Variants in OSBPL9 observed in about 807,000 individuals in gnomAD.
The protein encoded by OSBPL9 is oxysterol binding protein like 9, also known as oxysterol-binding protein-related protein 9.
Under a neutral mutation model 106.6 loss-of-function variants are expected in OSBPL9, and 40 were observed. The observed-to-expected ratio is 0.38, with a 90% CI of 0.29 to 0.49. The LOEUF (loss-of-function observed/expected upper bound fraction) is 0.49. Ranked by LOEUF, OSBPL9 falls within the 20% of genes least tolerant of loss-of-function variation. OSBPL9 has a pLI of 0.97. For synonymous variants in OSBPL9, 269 were observed against 295.4 expected, an observed-to-expected ratio of 0.91 and a Z score of 0.92; for missense variants, 609 against 887.2, an observed-to-expected ratio of 0.69 and a Z score of 3.98.
In OSBPL9 at chr1:51,754,849, CTG is replaced by C. The variant is rs1491275107; in HGVS notation, c.544-1470_544-1469del. 5.3e-5 allele frequency among the ~76,000 whole-genome samples: 8 copies of C among 152,252 alleles called. No individual in the cohort carries two copies. In the East Asian group the frequency reaches 1.2e-3, roughly 22 times the overall value. ...ATAGTGTCTTGCTCTGTCACTCAGA[CTG>C]GAGTGCAGTGTCACAATCATAAATA... On this transcript the variant is annotated intron_variant, in intron 8 of 23. Coordinates refer to ENST00000428468, the MANE Select transcript of OSBPL9 (RefSeq NM_024586.6).
upstream of OSBPL9, among the ~76,000 whole-genome samples, chr1:51,613,428 A>C (rs79061356): frequency 0.012 from 1,868 of 152,312 alleles, 40 homozygotes; most frequent in African/African-American, 0.044. Context: ...TTAATTCACT[A>C]ATTAATACTC....
Position 51,787,489 on chromosome 1 carries a change from G to A in OSBPL9, c.2136+1G>A. On this transcript the variant is annotated splice_donor_variant, in intron 23 of 23. Coordinates refer to ENST00000428468, the MANE Select transcript of OSBPL9 (RefSeq NM_024586.6). LOFTEE classifies it high-confidence loss of function. ...GAAGGAAATTCAGTGGGAGACAAGGGTAAGCTTGCCTGCCCCACCCTCCTA... is the reference window on the plus strand; with the variant it reads ...GAAGGAAATTCAGTGGGAGACAAGGATAAGCTTGCCTGCCCCACCCTCCTA... The A allele has an allele frequency of 6.2e-7, 1 of 1,613,878 alleles. No individual in the cohort carries two copies.
chr1:51,638,525 C>T (rs1645591653), intron 1 of OSBPL9, among the ~76,000 whole-genome samples: 1 of 151,422 alleles, frequency 6.6e-6, no homozygotes, highest in Non-Finnish European at 1.5e-5. Flanking sequence ...GAATTTGAGA[C>T]CAGCCTGAGC....
the OSBPL9 span, among the ~76,000 whole-genome samples, chr1:51,528,019 G>T: frequency 2.0e-5 from 3 of 151,850 alleles, no homozygotes; most frequent in African/African-American, 7.3e-5. Flanking sequence ...AGCTACTTGG[G>T]AGGCTGAGGC....
chr1:51,712,127 AG>A (rs1281046078), intron 3 of OSBPL9, among the ~76,000 whole-genome samples: 8 of 152,116 alleles, frequency 5.3e-5, no homozygotes, highest in Non-Finnish European at 1.2e-4. Context: ...GGCACCATTG[AG>A]CACTGAGTGA....
chr1:51,640,020 G>A (rs978692040), intron 1 of OSBPL9, among the ~76,000 whole-genome samples: 14 of 151,390 alleles, frequency 9.2e-5, no homozygotes, highest in Non-Finnish European at 2.1e-4. Context: ...TTAGTAAAGA[G>A]GAAGTCTCAC....
chr1:51,771,759 G>A (rs1366583488), intron 12 of OSBPL9, among the ~76,000 whole-genome samples: 1 of 152,100 alleles, frequency 6.6e-6, no homozygotes. Flanking sequence ...TGCCGTTTCT[G>A]GAATTGTTGC....
intron 3 of OSBPL9, among the ~76,000 whole-genome samples, chr1:51,682,203 CA>C (rs201894007): frequency 0.012 from 1,818 of 147,902 alleles, 38 homozygotes; most frequent in African/African-American, 0.043. Context: ...GACTCCGTCT[CA>C]AAAAAAAAAT....
intron 15 of OSBPL9, among the ~76,000 whole-genome samples, chr1:51,778,983 A>G (rs928485121): frequency 2.6e-5 from 4 of 152,218 alleles, no homozygotes; most frequent in Admixed American, 6.5e-5. Context: ...AAAATCTCCA[A>G]TTATTTGGCA....
intron 2 of OSBPL9, among the ~76,000 whole-genome samples, chr1:51,606,228 G>A (rs893174008): frequency 6.6e-6 from 1 of 152,112 alleles, no homozygotes; most frequent in East Asian, 1.9e-4. Flanking sequence ...TGGTTTAGGC[G>A]CCCCTCTTTG....
intron 4 of OSBPL9, among the ~76,000 whole-genome samples, chr1:51,715,754 G>C (rs1012972181): frequency 6.6e-6 from 1 of 152,094 alleles, no homozygotes; most frequent in African/African-American, 2.4e-5. Context: ...TTGCTTACTT[G>C]CTTTCCTTCA....
intron 2 of OSBPL9, among the ~76,000 whole-genome samples, chr1:51,655,918 AT>A (rs1646788197): frequency 5.3e-5 from 8 of 152,222 alleles, no homozygotes; most frequent in Admixed American, 5.2e-4. Flanking sequence ...ACACACGTGC[AT>A]TTTACTAGGC....
chr1:51,613,809 T>A (rs1644005982), upstream of OSBPL9, among the ~76,000 whole-genome samples: 3 of 151,892 alleles, frequency 2.0e-5, no homozygotes, highest in African/African-American at 7.3e-5. Flanking sequence ...TGGCACGATC[T>A]CTGCTTACTG....
At chr1:51,579,650 C>G (rs1305281785) in intron 1 of OSBPL9, among the ~76,000 whole-genome samples, 2 of 151,834 alleles carry the variant, frequency 1.3e-5, no homozygotes, top group Admixed American at 6.6e-5. Flanking sequence ...TGTACTTTCC[C>G]AGAAGTTTGA....
intron 1 of OSBPL9, among the ~76,000 whole-genome samples, chr1:51,643,627 T>C (rs1368566187): frequency 1.3e-5 from 2 of 152,192 alleles, no homozygotes; most frequent in African/African-American, 2.4e-5. Flanking sequence ...CATTTTATTT[T>C]AAGTGCAATG....
chr1:51,603,645 T>G (rs1264240739), intron 2 of OSBPL9, among the ~76,000 whole-genome samples: 2 of 152,234 alleles, frequency 1.3e-5, no homozygotes, highest in Admixed American at 6.5e-5. Context: ...TGTAGTTGTA[T>G]TATTCTGCGC....
At chr1:51,544,245 C>T in the OSBPL9 span, among the ~76,000 whole-genome samples, 2 of 152,148 alleles carry the variant, frequency 1.3e-5, no homozygotes, top group Non-Finnish European at 2.9e-5. Flanking sequence ...CCTGTAACCC[C>T]AGCTACTTGG....
chr1:51,731,839 G>GTCTGATT (rs886402226), intron 4 of OSBPL9, among the ~76,000 whole-genome samples: 79 of 151,502 alleles, frequency 5.2e-4, no homozygotes, highest in Middle Eastern at 3.4e-3. Context: ...GAGAGCTTAA[G>GTCTGATT]TGAGAAACAA....
chr1:51,771,525 TATG>T (rs1268858615), intron 12 of OSBPL9, among the ~76,000 whole-genome samples: 3 of 152,144 alleles, frequency 2.0e-5, no homozygotes, highest in Non-Finnish European at 4.4e-5. Context: ...ATCGGTAAAT[TATG>T]ATCACAGGTA....
Sources: allele counts gnomAD v4.1 joint callset (sites outside exome capture counted in the v4.1 genomes callset), GRCh38; gene constraint gnomAD v4.1.1; transcripts MANE v1.5; gene names NCBI Gene and HGNC (gene_info 2026-07-23, HGNC 2026-07-21).